SIPA1L1: variants seen among roughly 807,000 people sequenced by gnomAD.
The protein encoded by SIPA1L1 is signal-induced proliferation-associated 1-like protein 1.
SIPA1L1 carries 26 observed loss-of-function variants against 162.7 expected under a neutral mutation model. That is an observed-to-expected ratio of 0.16 (90% CI 0.12 to 0.22). The LOEUF is 0.22. Among genes scored for constraint, SIPA1L1 ranks in the 10% least tolerant of loss-of-function variants. SIPA1L1 has a pLI of 1.00. For synonymous variants in SIPA1L1, 829 were observed against 837.4 expected (o/e 0.99, Z 0.17); for missense variants, 1,874 against 2,241.0 (o/e 0.84, Z 3.31).
chr14:71,453,996 C>T (rs1249371459), intron 2 of SIPA1L1, among the ~76,000 whole-genome samples: 8 of 76,530 alleles, frequency 1.0e-4, no homozygotes, highest in South Asian at 6.4e-4. Flanking sequence ...GAGATTGTTT[C>T]AAAAAAAAAA....
At chr14:71,718,418 G>A (rs147976268) in intron 17 of SIPA1L1, among the ~76,000 whole-genome samples, 21 of 152,364 alleles carry the variant, frequency 1.4e-4, no homozygotes, top group African/African-American at 4.8e-4. Flanking sequence ...CTGGGAGCTA[G>A]TGTCAGCCCA....
At chr14:71,324,383 G>A (rs762079159) in intron 2 of SIPA1L1, among the ~76,000 whole-genome samples, 6 of 152,048 alleles carry the variant, frequency 3.9e-5, no homozygotes, top group Non-Finnish European at 8.8e-5. Context: ...AATTGCACTC[G>A]TTTCTTTTCT....
At chr14:71,451,321 A>G (rs1282689993) in intron 2 of SIPA1L1, among the ~76,000 whole-genome samples, 1 of 152,152 alleles carries the variant, frequency 6.6e-6, no homozygotes, top group Non-Finnish European at 1.5e-5. Context: ...ATAAATTAAT[A>G]GATAAGTTAA....
At chr14:71,439,007 T>A (rs2044627422) in intron 2 of SIPA1L1, among the ~76,000 whole-genome samples, 1 of 152,150 alleles carries the variant, frequency 6.6e-6, no homozygotes, top group Non-Finnish European at 1.5e-5. Context: ...TTACTGTTTT[T>A]TGATTTGATT....
chr14:71,657,409 T>G (rs996595593), intron 8 of SIPA1L1, among the ~76,000 whole-genome samples: 1 of 152,018 alleles, frequency 6.6e-6, no homozygotes, highest in African/African-American at 2.4e-5. Context: ...GTGAATGTAC[T>G]TCTGTTCCTT....
chr14:71,728,965 A>G (rs2084494317), intron 19 of SIPA1L1, among the ~76,000 whole-genome samples: 1 of 152,204 alleles, frequency 6.6e-6, no homozygotes, highest in Admixed American at 6.5e-5. Context: ...AAGATAAGAG[A>G]TACATCTGGA....
chr14:71,610,184 A>G (rs2038045669), intron 5 of SIPA1L1, among the ~76,000 whole-genome samples: 1 of 152,222 alleles, frequency 6.6e-6, no homozygotes, highest in African/African-American at 2.4e-5. Flanking sequence ...TGTTGTCTGC[A>G]TTTATAATTG....
At chr14:71,529,097 A>G (rs1269015320) in intron 3 of SIPA1L1, among the ~76,000 whole-genome samples, 2 of 151,284 alleles carry the variant, frequency 1.3e-5, no homozygotes, top group Non-Finnish European at 2.9e-5. Context: ...GGGCAACAAG[A>G]GTGAAACTCC....
chr14:71,590,047 ATATATATATATAT>A (rs2035170225), intron 5 of SIPA1L1, among the ~76,000 whole-genome samples: 1 of 47,084 alleles, frequency 2.1e-5, no homozygotes, highest in Non-Finnish European at 4.5e-5. Context: ...AAAAAAAAAT[ATATATATATATAT>A]ATATATATAT....
intron 4 of SIPA1L1, among the ~76,000 whole-genome samples, chr14:71,548,757 C>G (rs972286895): frequency 6.6e-6 from 1 of 151,630 alleles, no homozygotes; most frequent in African/African-American, 2.4e-5. Flanking sequence ...ACCAGCTGAG[C>G]GCAGGTGGCA....
chr14:71,584,234 G>A (rs982482008), intron 4 of SIPA1L1, among the ~76,000 whole-genome samples: 1 of 152,168 alleles, frequency 6.6e-6, no homozygotes, highest in East Asian at 1.9e-4. Context: ...GGTTCAGGAT[G>A]GAGGATGGGT....
At chr14:71,631,566 T>C (rs2148738180) in intron 7 of SIPA1L1, among the ~76,000 whole-genome samples, 1 of 152,360 alleles carries the variant, frequency 6.6e-6, no homozygotes, top group African/African-American at 2.4e-5. Context: ...AAACTTTTTA[T>C]CTTTGTGAGA....
chr14:71,566,745 G>A (rs1262472802), intron 4 of SIPA1L1, among the ~76,000 whole-genome samples: 1 of 152,142 alleles, frequency 6.6e-6, no homozygotes, highest in Non-Finnish European at 1.5e-5. Context: ...ACTTTTAGAA[G>A]AAAATATGGG....
At chr14:71,703,390 A>G (rs2082224790) in intron 15 of SIPA1L1, among the ~76,000 whole-genome samples, 1 of 152,242 alleles carries the variant, frequency 6.6e-6, no homozygotes, top group Non-Finnish European at 1.5e-5. Flanking sequence ...ACTTTGCCCA[A>G]GTAAGTGTAC....
chr14:71,361,595 G>A (rs2037821074), intron 2 of SIPA1L1, among the ~76,000 whole-genome samples: 1 of 152,100 alleles, frequency 6.6e-6, no homozygotes, highest in Non-Finnish European at 1.5e-5. Context: ...AGTCACTGGT[G>A]GCCTATCAAG....
In SIPA1L1 at chr14:71,588,231, G is replaced by A; in HGVS notation, c.359G>A (p.Ser120Asn). 6.2e-7 allele frequency: 1 copy of A among 1,614,152 alleles called. No homozygotes were observed. The highest frequency in any genetic ancestry group is 1.1e-5 in the South Asian group (1 of 91,084). ...AAAAGCAGTCCTGTGAGTCAGGGAAGTTCTGTTAGCCTCAATTCCAATGAC... is the reference window on the plus strand; with the variant it reads ...AAAAGCAGTCCTGTGAGTCAGGGAAATTCTGTTAGCCTCAATTCCAATGAC... ...SSKSSPVSQG[S>N]SVSLNSNDSA... Residue 120 changes from serine (S) to asparagine (N), a missense_variant, in exon 5 of 24, where the codon AGT (serine) becomes AAT (asparagine). Physicochemically the swap from Ser to Asn is conservative, Grantham distance 46 (BLOSUM62 1). This residue lies in a region of SIPA1L1 where 685 missense variants were observed against 828.0 expected (regional missense o/e 0.83). Transcript: ENST00000381232. This position sits in a 1 kb window ranked among gnomAD's most constrained non-coding sequence, Gnocchi z 4.3.
At chr14:71,716,758 A>G (rs542065995) in intron 17 of SIPA1L1, among the ~76,000 whole-genome samples, 3 of 152,326 alleles carry the variant, frequency 2.0e-5, no homozygotes, top group African/African-American at 2.4e-5. Context: ...TTGGTCATCT[A>G]GCATCCCCTC....
intron 10 of SIPA1L1, among the ~76,000 whole-genome samples, chr14:71,662,081 G>A (rs895532006): frequency 3.3e-5 from 5 of 152,186 alleles, no homozygotes; most frequent in African/African-American, 1.2e-4. Flanking sequence ...AGCTCGATAG[G>A]GGTGTAGTGC....
chr14:71,731,056 T>C (rs757744), intron 20 of SIPA1L1, among the ~76,000 whole-genome samples: 97,733 of 152,064 alleles, frequency 0.64, 32,561 homozygotes, highest in East Asian at 0.95. Context: ...CTGGATGCAC[T>C]GCTGTCACCC....
Sources: allele counts gnomAD v4.1 joint callset (sites outside exome capture counted in the v4.1 genomes callset), GRCh38; gene constraint gnomAD v4.1.1; regional missense constraint gnomAD v4.1.1; non-coding constraint Gnocchi (gnomAD v3.1); transcripts MANE v1.5; gene names NCBI Gene and HGNC (gene_info 2026-07-23, HGNC 2026-07-21).